PRIM2: variants seen among roughly 807,000 people sequenced by gnomAD.
PRIM2 encodes the protein DNA primase subunit 2, also known as DNA primase large subunit.
Under a neutral mutation model 67.3 loss-of-function variants are expected in PRIM2, and 39 were observed. That is an observed-to-expected ratio of 0.58 (90% CI 0.45 to 0.76). The LOEUF (loss-of-function observed/expected upper bound fraction) is 0.76, where lower values mean the gene tolerates loss of function less well. PRIM2 is among the 30% of genes least tolerant of loss of function. The probability of loss-of-function intolerance (pLI) is 0.00; values close to 1 mark genes in which losing one functional copy is unlikely to be tolerated. For synonymous variants in PRIM2, 143 were observed against 198.7 expected (o/e 0.72, Z 2.36); for missense variants, 398 against 598.7 (o/e 0.66, Z 3.50).
At chr6:57,260,783 G>A in the PRIM2 span, among the ~76,000 whole-genome samples, 2 of 151,996 alleles carry the variant, frequency 1.3e-5, no homozygotes, top group Non-Finnish European at 2.9e-5. Flanking sequence ...AGTAAAAAAA[G>A]CAGGAGGAGA....
At chr6:57,222,303 A>G in the PRIM2 span, 1 of 152,074 alleles carries the variant, frequency 6.6e-6, no homozygotes, top group Admixed American at 6.5e-5. Flanking sequence ...CGCGCTGCGG[A>G]GCATGCGCCG....
the PRIM2 span, among the ~76,000 whole-genome samples, chr6:57,269,384 GTGA>G: frequency 0.014 from 2,195 of 152,068 alleles, 28 homozygotes; most frequent in Middle Eastern, 0.061. Context: ...CTGATGGCCA[GTGA>G]TGATGAGCAT....
chr6:57,564,610 A>T (rs1440795992), intron 10 of PRIM2, among the ~76,000 whole-genome samples: 30,203 of 152,056 alleles, frequency 0.2, 3,345 homozygotes, highest in African/African-American at 0.3. Flanking sequence ...CCTCGAAGCT[A>T]TGAAATGATT....
At chr6:57,339,512 A>C (rs1310392105) in intron 5 of PRIM2, among the ~76,000 whole-genome samples, 2 of 152,176 alleles carry the variant, frequency 1.3e-5, no homozygotes, top group East Asian at 3.9e-4. Context: ...ACAGAGATAT[A>C]GATCAATGGA....
intron 5 of PRIM2, among the ~76,000 whole-genome samples, chr6:57,348,185 C>T (rs1262042674): frequency 2.0e-5 from 3 of 151,744 alleles, no homozygotes; most frequent in Admixed American, 1.3e-4. Flanking sequence ...TTTTCTAGCC[C>T]GTAGTTTTTC....
chr6:57,409,747 T>A (rs1771021736), intron 7 of PRIM2, among the ~76,000 whole-genome samples: 1 of 151,572 alleles, frequency 6.6e-6, no homozygotes, highest in Admixed American at 6.6e-5. Context: ...TTTGTCCCAG[T>A]CTGTGGTTTG....
At chr6:57,455,978 C>G (rs1364175142) in intron 7 of PRIM2, among the ~76,000 whole-genome samples, 1 of 152,036 alleles carries the variant, frequency 6.6e-6, no homozygotes, top group African/African-American at 2.4e-5. Flanking sequence ...TAGGGCAGGC[C>G]TGGTGGTGAC....
chr6:57,340,459 A>G (rs1366436724), intron 5 of PRIM2, among the ~76,000 whole-genome samples: 5 of 152,212 alleles, frequency 3.3e-5, no homozygotes, highest in Non-Finnish European at 5.9e-5. Context: ...ACCAACCCAA[A>G]TGTCCAACAA....
intron 7 of PRIM2, among the ~76,000 whole-genome samples, chr6:57,446,026 C>A (rs1772352684): frequency 6.6e-6 from 1 of 152,218 alleles, no homozygotes; most frequent in Admixed American, 6.5e-5. Flanking sequence ...CTTTCTAGTT[C>A]TGTAGTTACA....
intron 7 of PRIM2, 109 bp from the exon 8 acceptor site, chr6:57,507,278 T>G (rs1378989378): frequency 4.9e-6 from 4 of 808,666 alleles, no homozygotes; most frequent in Non-Finnish European, 1.9e-6. Flanking sequence ...ACCTTATATT[T>G]TTAAGTATTG....
chr6:57,565,023 T>C (rs1483315877), intron 10 of PRIM2, among the ~76,000 whole-genome samples: 1 of 152,222 alleles, frequency 6.6e-6, no homozygotes, highest in East Asian at 1.9e-4. Flanking sequence ...GAATGTGGAT[T>C]CCTTAAATTT....
At chr6:57,355,229 G>C (rs535798394) in intron 5 of PRIM2, among the ~76,000 whole-genome samples, 1 of 150,846 alleles carries the variant, frequency 6.6e-6, no homozygotes, top group African/African-American at 2.4e-5. Flanking sequence ...ACTTGAACTC[G>C]AGAGGCGGAG....
chr6:57,270,595 C>T, the PRIM2 span, among the ~76,000 whole-genome samples: 2 of 152,102 alleles, frequency 1.3e-5, no homozygotes, highest in African/African-American at 2.4e-5. Flanking sequence ...TGACTTCCTC[C>T]TTTCCTAATT....
chr6:57,403,949 A>G (rs571949932), intron 7 of PRIM2, among the ~76,000 whole-genome samples: 261 of 148,062 alleles, frequency 1.8e-3, no homozygotes, highest in African/African-American at 6.4e-3. Flanking sequence ...CCTGGTTTGC[A>G]GATGGCTGTC....
intron 7 of PRIM2, among the ~76,000 whole-genome samples, chr6:57,498,170 G>A (rs1178634162): frequency 6.6e-6 from 1 of 151,944 alleles, no homozygotes; most frequent in Non-Finnish European, 1.5e-5. Context: ...TAAATAAATT[G>A]TTGCCTTTTG....
At chr6:57,374,993 A>T (rs1185499607) in intron 5 of PRIM2, among the ~76,000 whole-genome samples, 1 of 152,268 alleles carries the variant, frequency 6.6e-6, no homozygotes, top group Non-Finnish European at 1.5e-5. Flanking sequence ...TTCTAGATAT[A>T]GGATGATGTC....
intron 10 of PRIM2, among the ~76,000 whole-genome samples, chr6:57,567,033 T>G (rs1775756899): frequency 6.6e-6 from 1 of 152,164 alleles, no homozygotes; most frequent in African/African-American, 2.4e-5. Flanking sequence ...CAACCGTGCC[T>G]TGTACATAGT....
intron 5 of PRIM2, among the ~76,000 whole-genome samples, chr6:57,346,078 C>G (rs1311354862): frequency 6.6e-6 from 1 of 152,098 alleles, no homozygotes; most frequent in Non-Finnish European, 1.5e-5. Context: ...TTTAATGCAT[C>G]CTGTTTTATC....
At chr6:57,367,061 A>G (rs10949027) in intron 5 of PRIM2, among the ~76,000 whole-genome samples, 3 of 151,914 alleles carry the variant, frequency 2.0e-5, no homozygotes, top group South Asian at 2.1e-4. Context: ...AAACAGTAAT[A>G]AAGTAACCAG....
Sources: gnomAD v4.1 joint callset for allele counts (sites outside exome capture counted in the v4.1 genomes callset) on GRCh38, gnomAD v4.1.1 for gene constraint, MANE v1.5 for transcripts, NCBI Gene and HGNC (gene_info 2026-07-23, HGNC 2026-07-21) for gene names.